FLG: variants seen among roughly 807,000 people sequenced by gnomAD.
FLG encodes the protein epidermal filaggrin.
FLG carries 6 observed loss-of-function variants against 3.8 expected under a neutral mutation model. The ratio of observed to expected loss-of-function variants is 1.60; its 90% confidence interval spans 0.87 to 3.15. FLG has a LOEUF of 3.15. FLG is among the 30% of genes most tolerant of loss of function. FLG has a pLI of 0.00. For synonymous variants in FLG, 2,551 were observed against 1,931.6 expected (o/e 1.32, Z -8.41); for missense variants, 7,595 against 5,050.9 (o/e 1.50, Z -15.27).
chr1:152,315,033 C>T (rs1452017867), intron 2 of FLG: 2 of 412,958 alleles, frequency 4.8e-6, no homozygotes, highest in Middle Eastern at 6.7e-4. Context: ...AACAAAAATC[C>T]CCTTAGTAAT....
chr1:152,304,149 C>G lies in FLG; in HGVS notation c.10737G>C (p.Thr3579=), dbSNP rs372491432. The change falls in exon 3 of 3, where the codon ACG becomes ACC. Residue 3579 remains threonine, a synonymous_variant. Transcript: ENST00000368799. ...GACCGGCTCTGTCTTCGTGATGGGA[C>G]GTGGGGTGTCTGGAGCCATCTCTTG... The part of the protein sequence containing the change: ...EQSRDGSRHP[T]SHHEDRAGHG... 8 of 1,602,706 alleles carry G rather than the reference C, an allele frequency of 5.0e-6. No homozygotes were observed. The highest frequency in any genetic ancestry group is 5.9e-6 in the Non-Finnish European group (7 of 1,178,088).
In FLG at chr1:152,307,935, T is replaced by A. The variant is rs1184396410; in HGVS notation, c.6951A>T (p.Ser2317=). ...AENSSGGQAA[S]SHEQARSSAG... is the part of the protein sequence containing the mutation. Reference sequence around the variant, plus strand: ...CACTTGATCTTGCCTGTTCATGGGATGATGCAGCCTGTCCACCAGAGGAAT... The same window carrying A: ...CACTTGATCTTGCCTGTTCATGGGAAGATGCAGCCTGTCCACCAGAGGAAT... Residue 2317 remains serine (S), a synonymous_variant, in exon 3 of 3, where the codon TCA becomes TCT. Transcript: ENST00000368799. The A allele has an allele frequency of 1.2e-6, 2 of 1,613,912 alleles. No homozygotes were observed. Among genetic ancestry groups the A allele is most frequent in the Non-Finnish European group, 1.7e-6 (2 of 1,180,042 alleles).
Position 152,311,759 on chromosome 1 carries a change from T to A in FLG, c.3127A>T (p.Ser1043Cys), listed in dbSNP as rs1384958887. Residue 1043 changes from serine to cysteine, a missense_variant, in exon 3 of 3, where the codon AGC becomes TGC. Physicochemically the swap from Ser to Cys is moderately radical, Grantham distance 112 (BLOSUM62 -1). Transcript: ENST00000368799. ...CGCGGAATGCCTGAGTGTCTGGAGC[T>A]GTCTGCTGACTGCTGGTGGCGGGAT... ...HGSRHQQSAD[S>C]SRHSGIPRRQ... 1 of 1,614,134 alleles carries A rather than the reference T, an allele frequency of 6.2e-7. No homozygotes were observed. The highest frequency in any genetic ancestry group is 1.7e-5 in the Admixed American group (1 of 60,020).
rs150525217 is a variant in FLG, at chr1:152,311,282, C to T, written c.3604G>A (p.Gly1202Arg). The T allele has an allele frequency of 7.4e-4, 1,193 of 1,613,868 alleles. 7 individuals are homozygous for T. The African/African-American group carries it at 0.014, about 19-fold the overall frequency. The change falls in exon 3 of 3, where the codon GGA becomes AGA. Residue 1202 changes from glycine to arginine, a missense_variant. Transcript: ENST00000368799. ...TGCCCATGGGAGGCATCAGACCTTC[C>T]CTGGGATGTGGTGTGGCTGTGATGG... ...GSHHSHTTSQ[G>R]RSDASHGQSG...
chr1:152,310,619 G>A lies in FLG; in HGVS notation c.4267C>T (p.His1423Tyr), dbSNP rs375084109. Residue 1423 changes from histidine (H) to tyrosine (Y), a missense_variant, in exon 3 of 3, where the codon CAC becomes TAC. His to Tyr is a moderately conservative substitution (Grantham distance 83, BLOSUM62 2). Coordinates refer to ENST00000368799, the MANE Select transcript of FLG (RefSeq NM_002016.2). Reference sequence around the variant, plus strand: ...GACTGGCCACGTGCGGACTCTTTGTGGCTCTGCTGATGGGGCCCAGCTTGT... The same window carrying A: ...GACTGGCCACGTGCGGACTCTTTGTAGCTCTGCTGATGGGGCCCAGCTTGT... ...HGQAGPHQQS[H>Y]KESARGQSGE... The A allele has an allele frequency of 4.3e-6, 7 of 1,613,886 alleles. No homozygotes were observed.
At chr1:152,323,342 C>T (rs1276835009) in intron 1 of FLG, among the ~76,000 whole-genome samples, 1 of 151,532 alleles carries the variant, frequency 6.6e-6, no homozygotes, top group Non-Finnish European at 1.5e-5. Flanking sequence ...TTAAAGATAG[C>T]ATTAGAAGAG....
rs756648697 is a variant in FLG at position 152,310,047 on chromosome 1, C to T, written c.4839G>A (p.Ser1613=). 2.9e-5 allele frequency: 47 copies of T among 1,613,308 alleles called. No homozygotes were observed. Among genetic ancestry groups the T allele is most frequent in the East Asian group, 4.5e-5 (2 of 44,782 alleles). ...CAGATCCATAATGGTTTCTGGAAGC[C>T]GACTCAGACCGCCTCTCAGAGTCTT... ...HSEDSERRSE[S]ASRNHYGSAR... Residue 1613 remains serine, a synonymous_variant, in exon 3 of 3, where the codon TCG becomes TCA. Transcript: ENST00000368799.
chr1:152,310,460 T>G lies in FLG; in HGVS notation c.4426A>C (p.Ser1476Arg). The G allele has an allele frequency of 1.2e-6, 2 of 1,613,656 alleles. No individual in the cohort carries two copies. The highest frequency in any genetic ancestry group is 1.3e-5 in the African/African-American group (1 of 74,920). Residue 1476 changes from serine (S) to arginine (R), a missense_variant, in exon 3 of 3, where the codon AGC (serine) becomes CGC (arginine). Coordinates refer to ENST00000368799, the MANE Select transcript of FLG (RefSeq NM_002016.2). ...QGSRHEQARNSSRHSASQDGQ... is the reference protein window; with the variant it reads ...QGSRHEQARNRSRHSASQDGQ... Reference sequence around the variant, plus strand: ...TCTTGGGATGCTGAGTGCCTAGAGCTGTTTCGTGCCTGCTCATGGCGGGAT... The same window carrying G: ...TCTTGGGATGCTGAGTGCCTAGAGCGGTTTCGTGCCTGCTCATGGCGGGAT...
chr1:152,310,242 T>C lies in FLG; in HGVS notation c.4644A>G (p.Glu1548=), dbSNP rs773646319. The change falls in exon 3 of 3, where the codon GAA becomes GAG. Residue 1548 remains glutamate (E), a synonymous_variant. Transcript: ENST00000368799. ...AGTGCCTGGAGCCGTCTCCTGATTGTTCCTCATTTCTTGTTTGCCTGCTTG... is the reference window on the plus strand; with the variant it reads ...AGTGCCTGGAGCCGTCTCCTGATTGCTCCTCATTTCTTGTTTGCCTGCTTG... ...RSASRQTRNE[E]QSGDGSRHSG... is the part of the protein sequence containing the mutation. The C allele has an allele frequency of 3.1e-6, 5 of 1,613,552 alleles. No individual in the cohort carries two copies. Among genetic ancestry groups the C allele is most frequent in the African/African-American group, 2.7e-5 (2 of 74,762 alleles).
Position 152,313,904 on chromosome 1 carries a change from G to A in FLG, c.982C>T (p.Gln328Ter), listed in dbSNP as rs1265490239. 1.9e-6 allele frequency: 3 copies of A among 1,614,028 alleles called. No homozygotes were observed. Among genetic ancestry groups the A allele is most frequent in the East Asian group, 2.2e-5 (1 of 44,850 alleles). The change falls in exon 3 of 3, where the codon CAG becomes TAG. Residue 328 changes from glutamine (Q) to a stop codon, truncating the protein, a stop_gained. Transcript: ENST00000368799. LOFTEE classifies it low-confidence loss of function (END_TRUNC). The part of the protein sequence containing the change: ...SRNHHGSAWE[Q>*]SRDGSRHPRS... ...GGGTGTCTGGAGCCATCTCTTGACT[G>A]CTCCCACGCAGATCCATGATGGTTT...
In FLG at chr1:152,302,589, A is replaced by G. The variant is rs771963470; in HGVS notation, c.*111T>C. 1.1e-5 allele frequency: 15 copies of G among 1,394,962 alleles called. No homozygotes were observed. The Middle Eastern group carries it at 7.0e-4, about 65-fold the overall frequency. 86.4% of individuals were successfully genotyped at this position (1,394,962 alleles called of 1,614,324 possible). ...AATGAAATACTATAGCATATTTTAA[A>G]CAGATTGACAGGAAAAGATAACTTC... is the stretch of plus-strand genomic sequence containing the variant. On this transcript the variant is annotated 3_prime_UTR_variant, in exon 3 of 3. Coordinates refer to ENST00000368799, the MANE Select transcript of FLG (RefSeq NM_002016.2).
Position 152,310,979 on chromosome 1 carries a change from T to A in FLG, c.3907A>T (p.Arg1303Ter), listed in dbSNP as rs1452046158. The part of the protein sequence containing the change: ...NHHGSSREQS[R>*]DGSRHPGFHQ... ...AACCCAGGGTGTCTGGAGCCATCTC[T>A]TGACTGCTCCCGAGAAGATCCATGA... The change falls in exon 3 of 3, where the codon AGA (arginine) becomes TGA (stop). Residue 1303 changes from arginine (R) to a stop codon, truncating the protein, a stop_gained. Coordinates refer to ENST00000368799, the MANE Select transcript of FLG (RefSeq NM_002016.2). LOFTEE classifies it low-confidence loss of function (END_TRUNC). 1.9e-6 allele frequency: 3 copies of A among 1,613,858 alleles called. No homozygotes were observed. The highest frequency in any genetic ancestry group is 4.5e-5 in the East Asian group (2 of 44,868).
Position 152,313,054 on chromosome 1 carries a change from G to C in FLG, c.1832C>G (p.Pro611Arg), listed in dbSNP as rs749185132. 3.7e-6 allele frequency: 6 copies of C among 1,613,888 alleles called. No homozygotes were observed. Among genetic ancestry groups the C allele is most frequent in the Non-Finnish European group, 5.1e-6 (6 of 1,179,982 alleles). The change falls in exon 3 of 3, where the codon CCC becomes CGC. Residue 611 changes from proline to arginine, a missense_variant. Coordinates refer to ENST00000368799, the MANE Select transcript of FLG (RefSeq NM_002016.2). ...SQVGQGQSSG[P>R]RTSRNQGSSV... ...GGATCCCTGGTTCCTACTTGTCCTG[G>C]GCCCCGATGATTGTCCCTGGCCCAC... is the stretch of plus-strand genomic sequence containing the variant.
rs1189249360 is a variant in FLG at position 152,312,878 on chromosome 1, G to C, written c.2008C>G (p.His670Asp). ...PRSHHEDRAG[H>D]GHSADSSRKS... ...CTGGAGCTGTCTGCAGAGTGCCCAT[G>C]ACCAGCTCTGTCTTCGTGATGGGAC... Residue 670 changes from histidine (H) to aspartate (D), a missense_variant, in exon 3 of 3, where the codon CAT becomes GAT. Physicochemically the swap from His to Asp is moderately conservative, Grantham distance 81 (BLOSUM62 -1). Transcript: ENST00000368799. 1.2e-6 allele frequency: 2 copies of C among 1,614,054 alleles called. No individual in the cohort carries two copies. The highest frequency in any genetic ancestry group is 1.7e-6 in the Non-Finnish European group (2 of 1,180,020).
rs540595062 is a variant in FLG, at chr1:152,312,153, T to G, written c.2733A>C (p.Ser911=). ...CATGAGAGGAAGCTTCATGGTGACGTGACCCTGAGTGCCTGGAGCCGTCTC... is the reference window on the plus strand; with the variant it reads ...CATGAGAGGAAGCTTCATGGTGACGGGACCCTGAGTGCCTGGAGCCGTCTC... The part of the protein sequence containing the change: ...QSRDGSRHSG[S]RHHEASSHAD... Residue 911 remains serine, a synonymous_variant, in exon 3 of 3, where the codon TCA becomes TCC. Coordinates refer to ENST00000368799, the MANE Select transcript of FLG (RefSeq NM_002016.2). 3.3e-5 allele frequency: 53 copies of G among 1,603,762 alleles called. No homozygotes were observed. The East Asian group carries it at 3.4e-4, about 10-fold the overall frequency.
rs1235539847 is a variant in FLG at position 152,313,540 on chromosome 1, C to T, written c.1346G>A (p.Ser449Asn). ...GHGKAGLRQQ[S>N]HQESTRGRSG... ...CCGGCCACGTGTGGACTCTTGGTGG[C>T]TCTGCTGTCTCAGCCCAGCCTTTCC... The change falls in exon 3 of 3, where the codon AGC (serine) becomes AAC (asparagine). Residue 449 changes from serine (S) to asparagine (N), a missense_variant. Transcript: ENST00000368799. 4 of 1,613,944 alleles carry T rather than the reference C, an allele frequency of 2.5e-6. No homozygotes were observed. The highest frequency in any genetic ancestry group is 3.3e-5 in the Admixed American group (2 of 59,992).
rs755139497 is a variant in FLG, at chr1:152,309,317, C to T, written c.5569G>A (p.Gly1857Arg). 1 of 1,613,862 alleles carries T rather than the reference C, an allele frequency of 6.2e-7. No homozygotes were observed. Among genetic ancestry groups the T allele is most frequent in the East Asian group, 2.2e-5 (1 of 44,808 alleles). ...TSQERSDVSR[G>R]QSGSRSVSRQ... ...CTGACACTTCTGGATCCTGACTGCC[C>T]ACGGGAGACATCAGACCTTTCCTGG... The change falls in exon 3 of 3, where the codon GGG (glycine) becomes AGG (arginine). Residue 1857 changes from glycine (G) to arginine (R), a missense_variant. Transcript: ENST00000368799.
At chr1:152,317,704 A>C (rs1345607314) in intron 1 of FLG, among the ~76,000 whole-genome samples, 1 of 152,042 alleles carries the variant, frequency 6.6e-6, no homozygotes, top group Non-Finnish European at 1.5e-5. Flanking sequence ...GGCAACTCAC[A>C]AGTTTATACC....
Position 152,315,461 on chromosome 1 carries a change from T to C in FLG, c.-5A>G. The C allele has an allele frequency of 6.2e-7, 1 of 1,609,996 alleles. No homozygotes were observed. Among genetic ancestry groups the C allele is most frequent in the Non-Finnish European group, 8.5e-7 (1 of 1,178,156 alleles). ...GTTTTCCAGGAGAGTAGACATCTTT[T>C]GGCAATAAATGTGAACCTAGAAAGA... On this transcript the variant is annotated 5_prime_UTR_variant, in exon 2 of 3. Transcript: ENST00000368799.
Sources: gnomAD v4.1 joint callset for allele counts (sites outside exome capture counted in the v4.1 genomes callset) on GRCh38, gnomAD v4.1.1 for gene constraint, MANE v1.5 for transcripts, NCBI Gene and HGNC (gene_info 2026-07-23, HGNC 2026-07-21) for gene names.